CNTNAP5: variants seen among roughly 807,000 people sequenced by gnomAD.
The protein encoded by CNTNAP5 is contactin associated protein family member 5.
A neutral mutation model predicts 150.2 loss-of-function variants in CNTNAP5; 72 were observed. The ratio of observed to expected loss-of-function variants is 0.48; its 90% confidence interval spans 0.40 to 0.58. The LOEUF is 0.58. Among genes scored for constraint, CNTNAP5 ranks in the 20% least tolerant of loss-of-function variants. The probability of loss-of-function intolerance (pLI) is 0.00; values close to 1 mark genes in which losing one functional copy is unlikely to be tolerated. For missense variants in CNTNAP5, 1,636 were observed against 1,626.2 expected, an observed-to-expected ratio of 1.01 and a Z score of -0.10; for synonymous variants, 672 against 619.8, an observed-to-expected ratio of 1.08 and a Z score of -1.25.
intron 3 of CNTNAP5, among the ~76,000 whole-genome samples, chr2:124,329,432 G>C (rs1689295800): frequency 6.6e-6 from 1 of 152,112 alleles, no homozygotes; most frequent in East Asian, 1.9e-4. Flanking sequence ...AGGTGAAGGT[G>C]GGGGTTGAGA....
rs138546046 is a variant in CNTNAP5 at position 124,152,162 on chromosome 2, G to A, written c.83-69543G>A. 7.9e-5 allele frequency among the ~76,000 whole-genome samples: 12 copies of A among 152,214 alleles called. No individual in the cohort carries two copies. In the East Asian group the frequency reaches 1.5e-3, roughly 20 times the overall value. On this transcript the variant is annotated intron_variant, in intron 1 of 23. Transcript: ENST00000682447. ...TGCGCTCTACCTCAGGTAAGCCAGC[G>A]CACATACAGGAGAAGGGTAAAACAG...
chr2:124,548,201 T>C (rs148574981), intron 10 of CNTNAP5, among the ~76,000 whole-genome samples: 336 of 152,292 alleles, frequency 2.2e-3, no homozygotes, highest in African/African-American at 7.9e-3. Context: ...GGTCGTGACA[T>C]TTTAGCTCAA....
At chr2:124,480,686 G>A (rs1693742806) in intron 7 of CNTNAP5, among the ~76,000 whole-genome samples, 1 of 152,146 alleles carries the variant, frequency 6.6e-6, no homozygotes, top group South Asian at 2.1e-4. Flanking sequence ...AGTATGCTCT[G>A]TGATAAATGA....
intron 19 of CNTNAP5, among the ~76,000 whole-genome samples, chr2:124,859,802 C>G (rs1573667585): frequency 6.6e-6 from 1 of 151,948 alleles, no homozygotes; most frequent in African/African-American, 2.4e-5. Flanking sequence ...AGCAAACTAT[C>G]GCAAGGACAA....
intron 16 of CNTNAP5, among the ~76,000 whole-genome samples, chr2:124,772,338 T>A (rs1406940514): frequency 6.6e-6 from 1 of 152,198 alleles, no homozygotes; most frequent in Non-Finnish European, 1.5e-5. Flanking sequence ...TCTGAGCTTT[T>A]TTCATTATGG....
chr2:124,423,927 G>T (rs1006757603), intron 4 of CNTNAP5, among the ~76,000 whole-genome samples: 1 of 151,904 alleles, frequency 6.6e-6, no homozygotes, highest in Admixed American at 6.6e-5. Context: ...GCCTCCCAAA[G>T]TGCTGGGATT....
At chr2:124,434,986 C>G (rs1692491025) in intron 5 of CNTNAP5, among the ~76,000 whole-genome samples, 1 of 152,094 alleles carries the variant, frequency 6.6e-6, no homozygotes, top group African/African-American at 2.4e-5. Flanking sequence ...TAAGTATATA[C>G]ACATATTATA....
At position 124,798,297 on chromosome 2, in the gene CNTNAP5, T is replaced by C. The variant is rs1304166191; in HGVS notation, c.3194T>C (p.Val1065Ala). 3 of 1,613,330 alleles carry C rather than the reference T, an allele frequency of 1.9e-6. No individual in the cohort carries two copies. The highest frequency in any genetic ancestry group is 2.5e-6 in the Non-Finnish European group (3 of 1,179,274). ...ATCAATTCTTCTTCTCAGGACTTCG[T>C]GGTTGTTCTGCTCTGCAAGAATGGT... is the stretch of plus-strand genomic sequence containing the variant. ...LFINSSSQDF[V>A]VVLLCKNGSL... The change falls in exon 19 of 24, where the codon GTG becomes GCG. Residue 1065 changes from valine to alanine, a missense_variant. Transcript: ENST00000682447.
intron 3 of CNTNAP5, among the ~76,000 whole-genome samples, chr2:124,264,192 A>T (rs1333311979): frequency 6.6e-6 from 1 of 152,152 alleles, no homozygotes; most frequent in Non-Finnish European, 1.5e-5. Context: ...GTTCATAAGA[A>T]ACTTCTGAGT....
chr2:124,873,851 C>G (rs949636994), intron 21 of CNTNAP5, among the ~76,000 whole-genome samples: 1 of 151,962 alleles, frequency 6.6e-6, no homozygotes, highest in Non-Finnish European at 1.5e-5. Flanking sequence ...CGTAGTAAAT[C>G]TAGTGTCTCA....
intron 1 of CNTNAP5, among the ~76,000 whole-genome samples, chr2:124,199,410 G>GTTTTT (rs1420646876): frequency 2.4e-5 from 2 of 82,094 alleles, no homozygotes; most frequent in African/African-American, 4.7e-5. Context: ...TTATTCCAAG[G>GTTTTT]TTCTTTTTTT....
chr2:124,616,900 T>A (rs1677504538), intron 12 of CNTNAP5, among the ~76,000 whole-genome samples: 1 of 152,124 alleles, frequency 6.6e-6, no homozygotes, highest in Non-Finnish European at 1.5e-5. Context: ...TTCATTGCCT[T>A]ATATGGGTGC....
At chr2:124,747,625 T>C (rs1300029386) in intron 14 of CNTNAP5, among the ~76,000 whole-genome samples, 1 of 127,996 alleles carries the variant, frequency 7.8e-6, no homozygotes, top group East Asian at 2.3e-4. Context: ...TTTTTTTTTT[T>C]TTTTTTTTTT....
intron 8 of CNTNAP5, among the ~76,000 whole-genome samples, chr2:124,513,698 A>G (rs1694644325): frequency 6.6e-6 from 1 of 152,224 alleles, no homozygotes; most frequent in Non-Finnish European, 1.5e-5. Context: ...TATATGCCGC[A>G]TAATGTGTCA....
At chr2:124,288,435 G>T (rs1688208307) in intron 3 of CNTNAP5, among the ~76,000 whole-genome samples, 1 of 152,142 alleles carries the variant, frequency 6.6e-6, no homozygotes, top group African/African-American at 2.4e-5. Context: ...AATTGAAAGA[G>T]CCCAATCTAA....
At chr2:124,200,914 C>T (rs1400324468) in intron 1 of CNTNAP5, among the ~76,000 whole-genome samples, 1 of 152,168 alleles carries the variant, frequency 6.6e-6, no homozygotes, top group Admixed American at 6.5e-5. Flanking sequence ...TGTAGCAGAG[C>T]CATCTTCAGG....
chr2:124,311,639 T>A (rs1337261061), intron 3 of CNTNAP5, among the ~76,000 whole-genome samples: 1 of 152,184 alleles, frequency 6.6e-6, no homozygotes, highest in Non-Finnish European at 1.5e-5. Context: ...GTACACATGA[T>A]TCAGTCCATA....
chr2:124,536,106 C>T (rs1290269979), intron 10 of CNTNAP5, among the ~76,000 whole-genome samples: 1 of 152,176 alleles, frequency 6.6e-6, no homozygotes, highest in African/African-American at 2.4e-5. Flanking sequence ...GAGCTTCTAA[C>T]TCTGAAGTGA....
intron 21 of CNTNAP5, among the ~76,000 whole-genome samples, chr2:124,881,403 G>A (rs1677961555): frequency 6.6e-6 from 1 of 152,040 alleles, no homozygotes; most frequent in Non-Finnish European, 1.5e-5. Context: ...CAAGAGGAAA[G>A]GAAATTACAG....
Sources: allele counts gnomAD v4.1 joint callset (sites outside exome capture counted in the v4.1 genomes callset), GRCh38; gene constraint gnomAD v4.1.1; transcripts MANE v1.5; gene names NCBI Gene and HGNC (gene_info 2026-07-23, HGNC 2026-07-21).